The following CNTNAP2 variants were observed in gnomAD, a reference collection of about 807,000 sequenced individuals.
CNTNAP2 encodes the protein contactin-associated protein-like 2.
A neutral mutation model predicts 155.2 loss-of-function variants in CNTNAP2; 98 were observed. That is an observed-to-expected ratio of 0.63 (90% CI 0.54 to 0.75). CNTNAP2 has a LOEUF of 0.75. Among genes scored for constraint, CNTNAP2 ranks in the 30% least tolerant of loss-of-function variants. The probability of loss-of-function intolerance (pLI) is 0.00; values close to 1 mark genes in which losing one functional copy is unlikely to be tolerated. For missense variants in CNTNAP2, 1,727 were observed against 1,688.1 expected (o/e 1.02, Z -0.40); for synonymous variants, 651 against 631.2 (o/e 1.03, Z -0.47).
intron 1 of CNTNAP2, among the ~76,000 whole-genome samples, chr7:146,302,699 T>C (rs1161798497): frequency 6.6e-6 from 1 of 152,084 alleles, no homozygotes; most frequent in African/African-American, 2.4e-5. Flanking sequence ...AAGCTCAGAA[T>C]AAAATGTGGG....
chr7:147,265,307 T>G (rs1804581734), intron 8 of CNTNAP2, among the ~76,000 whole-genome samples: 1 of 152,186 alleles, frequency 6.6e-6, no homozygotes, highest in Admixed American at 6.5e-5. Context: ...AGGCCACCAT[T>G]TTTTCCTCTG....
Position 146,235,952 on chromosome 7 carries a change from ATGTGTG to A in CNTNAP2, c.97+119002_97+119007del, listed in dbSNP as rs34046295. Among the ~76,000 whole-genome samples, 385 of 149,492 alleles carry A rather than the reference ATGTGTG, an allele frequency of 2.6e-3. 4 individuals carry two copies. In the East Asian group the frequency reaches 0.033, roughly 13 times the overall value. On this transcript the variant is annotated intron_variant, in intron 1 of 23. Coordinates refer to ENST00000361727, the MANE Select transcript of CNTNAP2 (RefSeq NM_014141.6). ...TCTCTGATCCATAGTACATATGGAA[ATGTGTG>A]TGTGTGTGTGTGTGTGTGTGTGCGC...
chr7:148,154,674 C>T (rs779220790), intron 17 of CNTNAP2, among the ~76,000 whole-genome samples: 2 of 152,176 alleles, frequency 1.3e-5, no homozygotes, highest in Non-Finnish European at 2.9e-5. Context: ...TGGTGGCTCA[C>T]GCCTGTAATT....
At chr7:146,866,451 C>A (rs1795207235) in intron 3 of CNTNAP2, among the ~76,000 whole-genome samples, 1 of 152,038 alleles carries the variant, frequency 6.6e-6, no homozygotes, top group South Asian at 2.1e-4. Flanking sequence ...TATTTAACCA[C>A]TGACACTAAA....
intron 2 of CNTNAP2, among the ~76,000 whole-genome samples, chr7:146,824,643 C>T (rs1018914083): frequency 6.6e-6 from 1 of 151,982 alleles, no homozygotes; most frequent in Non-Finnish European, 1.5e-5. Flanking sequence ...GACCAGCGAT[C>T]ATGAGCTTTT....
chr7:147,287,230 G>C (rs1426650186), intron 8 of CNTNAP2, among the ~76,000 whole-genome samples: 2 of 152,096 alleles, frequency 1.3e-5, no homozygotes, highest in African/African-American at 2.4e-5. Flanking sequence ...TGGTTAAACT[G>C]TCCTAACAGG....
At chr7:147,740,348 A>C (rs1188223200) in intron 13 of CNTNAP2, among the ~76,000 whole-genome samples, 1 of 152,214 alleles carries the variant, frequency 6.6e-6, no homozygotes, top group Non-Finnish European at 1.5e-5. Context: ...TTGGGCCCCC[A>C]AAAATAGTAA....
chr7:147,614,709 G>GA (rs1214404448), intron 12 of CNTNAP2, among the ~76,000 whole-genome samples: 9 of 149,346 alleles, frequency 6.0e-5, no homozygotes, highest in Admixed American at 4.0e-4. Flanking sequence ...TCTTTCTGAT[G>GA]AAAAAAAAAG....
At position 147,537,332 on chromosome 7, in the gene CNTNAP2, AT is replaced by A. The variant is rs532397758; in HGVS notation, c.1778-24805del. Among the ~76,000 whole-genome samples the A allele has an allele frequency of 7.9e-5, 12 of 152,360 alleles. No individual in the cohort carries two copies. In the South Asian group the frequency reaches 1.4e-3, roughly 18 times the overall value. ...ATCATAAAGCTATGAATAAATCTGTATGCTTGGAACTCTTATATAATCGTAA... is the reference window on the plus strand; with the variant it reads ...ATCATAAAGCTATGAATAAATCTGTAGCTTGGAACTCTTATATAATCGTAA... On this transcript the variant is annotated intron_variant, in intron 11 of 23. Coordinates refer to ENST00000361727, the MANE Select transcript of CNTNAP2 (RefSeq NM_014141.6).
chr7:147,732,810 A>ATGTT (rs1796766914), intron 13 of CNTNAP2, among the ~76,000 whole-genome samples: 1 of 149,656 alleles, frequency 6.7e-6, no homozygotes, highest in Admixed American at 6.6e-5. Context: ...TTTTTTCATC[A>ATGTT]TCTTGGCTGC....
intron 10 of CNTNAP2, among the ~76,000 whole-genome samples, chr7:147,472,697 G>A (rs960906559): frequency 4.6e-5 from 7 of 152,290 alleles, no homozygotes; most frequent in African/African-American, 1.7e-4. Context: ...ATTGGAGCCA[G>A]TTTCCAAACT....
chr7:147,413,656 T>A (rs1214748403), intron 10 of CNTNAP2, among the ~76,000 whole-genome samples: 1 of 152,208 alleles, frequency 6.6e-6, no homozygotes, highest in Non-Finnish European at 1.5e-5. Context: ...ACAGATCATC[T>A]GGGATCTTGT....
chr7:147,887,442 G>C (rs185180762), intron 13 of CNTNAP2, among the ~76,000 whole-genome samples: 1 of 152,294 alleles, frequency 6.6e-6, no homozygotes, highest in East Asian at 1.9e-4. Flanking sequence ...TTGCACTCCA[G>C]CCTGAGGGAC....
chr7:148,287,580 C>T (rs987517045), intron 21 of CNTNAP2, among the ~76,000 whole-genome samples: 3 of 152,126 alleles, frequency 2.0e-5, no homozygotes, highest in African/African-American at 7.2e-5. Context: ...CTCTGATTTT[C>T]TGTTGCTATA....
At chr7:147,215,323 T>A (rs953967502) in intron 8 of CNTNAP2, among the ~76,000 whole-genome samples, 3 of 152,150 alleles carry the variant, frequency 2.0e-5, no homozygotes, top group African/African-American at 7.2e-5. Flanking sequence ...GTGTTTTCAC[T>A]ACCCCAAAAA....
At chr7:148,301,306 A>AAT (rs1554414673) in intron 21 of CNTNAP2, among the ~76,000 whole-genome samples, 7,444 of 103,798 alleles carry the variant, frequency 0.072, 581 homozygotes, top group African/African-American at 0.14. Context: ...AAAAAAAAAA[A>AAT]ATATATATAT....
chr7:147,466,176 GA>G (rs1272223079), intron 10 of CNTNAP2, among the ~76,000 whole-genome samples: 3 of 151,956 alleles, frequency 2.0e-5, no homozygotes, highest in Non-Finnish European at 2.9e-5. Flanking sequence ...ATGATTGAAG[GA>G]AAAAAGGGCC....
intron 1 of CNTNAP2, among the ~76,000 whole-genome samples, chr7:146,353,003 C>T (rs1020618311): frequency 6.6e-6 from 1 of 152,032 alleles, no homozygotes; most frequent in African/African-American, 2.4e-5. Flanking sequence ...ATCTGCCCAC[C>T]TCGGCCTCCC....
chr7:146,354,829 G>T (rs1794974844), intron 1 of CNTNAP2, among the ~76,000 whole-genome samples: 1 of 152,188 alleles, frequency 6.6e-6, no homozygotes, highest in African/African-American at 2.4e-5. Flanking sequence ...AAATTGAGTT[G>T]TGTCTTTGGG....
Sources: gnomAD v4.1 joint callset for allele counts (sites outside exome capture counted in the v4.1 genomes callset) on GRCh38, gnomAD v4.1.1 for gene constraint, MANE v1.5 for transcripts, NCBI Gene and HGNC (gene_info 2026-07-23, HGNC 2026-07-21) for gene names.